TLN2: variants seen among roughly 807,000 people sequenced by gnomAD.
TLN2 encodes talin 2.
Under a neutral mutation model 294.7 loss-of-function variants are expected in TLN2, and 118 were observed. The ratio of observed to expected loss-of-function variants is 0.40; its 90% CI spans 0.34 to 0.47. The LOEUF (loss-of-function observed/expected upper bound fraction) is 0.47. Among genes scored for constraint, TLN2 ranks in the 20% least tolerant of loss-of-function variants. TLN2 has a pLI of 0.84. For missense variants in TLN2, 3,083 were observed against 3,282.2 expected (o/e 0.94, Z 1.48); for synonymous variants, 1,431 against 1,304.5 (o/e 1.10, Z -2.09).
At chr15:62,593,339 C>T (rs2046231571) in intron 2 of TLN2, among the ~76,000 whole-genome samples, 1 of 152,200 alleles carries the variant, frequency 6.6e-6, no homozygotes, top group Non-Finnish European at 1.5e-5. Flanking sequence ...AATCAAGATT[C>T]CTGGACCTAG....
intron 1 of TLN2, among the ~76,000 whole-genome samples, chr15:62,535,200 A>G (rs946496218): frequency 5.3e-5 from 8 of 152,204 alleles, no homozygotes; most frequent in Admixed American, 3.3e-4. Flanking sequence ...ACTGTTCTAC[A>G]GGAAATTAGA....
In TLN2 at chr15:62,673,310, CTTT is replaced by C. The variant is rs56258541; in HGVS notation, c.789-501_789-499del. ...GTTTGCTTTAGATTTTTAGATGTTG[CTTT>C]TTTTTTTTTTTTTTTGCAATTTCAT... is the stretch of plus-strand genomic sequence containing the variant. On this transcript the variant is annotated intron_variant, in intron 9 of 58. Transcript: ENST00000636159. 7.0e-4 allele frequency among the ~76,000 whole-genome samples: 30 copies of C among 42,898 alleles called. 1 individual carries two copies. In the Admixed American group the frequency reaches 9.2e-3, roughly 13 times the overall value. 28.1% of individuals were successfully genotyped at this position (42,898 alleles called of 152,430 possible).
chr15:62,520,297 C>T (rs1392343477), intron 1 of TLN2, among the ~76,000 whole-genome samples: 1 of 152,186 alleles, frequency 6.6e-6, no homozygotes, highest in African/African-American at 2.4e-5. Flanking sequence ...CATTGTTGTA[C>T]AGTTGTATGC....
chr15:62,805,847 G>T, intron 51 of TLN2, 62 bp downstream of exon 51: 2 of 1,543,858 alleles, frequency 1.3e-6, no homozygotes, highest in Non-Finnish European at 1.8e-6. Context: ...GGGTTGCTTG[G>T]TGTAGTCTGA....
intron 1 of TLN2, among the ~76,000 whole-genome samples, chr15:62,489,619 C>A (rs2038597749): frequency 6.6e-6 from 1 of 152,176 alleles, no homozygotes. Flanking sequence ...CTTTAAGGGA[C>A]AGAGCCTGAT....
intron 1 of TLN2, among the ~76,000 whole-genome samples, chr15:62,486,462 T>TTG (rs1555415748): frequency 8.6e-5 from 11 of 127,756 alleles, no homozygotes; most frequent in African/African-American, 2.6e-4. Flanking sequence ...GTTTTTTTTT[T>TTG]TTTTTTTTTT....
chr15:62,656,171 G>A (rs573061201), intron 8 of TLN2, 85 bp downstream of exon 8: 68 of 1,521,918 alleles, frequency 4.5e-5, no homozygotes, highest in African/African-American at 1.5e-4. Context: ...GGAGGGCGGC[G>A]CTGGCTTCTG....
chr15:62,562,114 A>G (rs1596137368), intron 1 of TLN2, among the ~76,000 whole-genome samples: 1 of 152,150 alleles, frequency 6.6e-6, no homozygotes, highest in East Asian at 1.9e-4. Context: ...TCGTTTGGAG[A>G]TATTGTCTCT....
At chr15:62,629,612 A>G (rs2049597937) in intron 3 of TLN2, among the ~76,000 whole-genome samples, 1 of 152,214 alleles carries the variant, frequency 6.6e-6, no homozygotes, top group African/African-American at 2.4e-5. Context: ...AGGGCCGTAT[A>G]AGGCTAAGCC....
intron 1 of TLN2, among the ~76,000 whole-genome samples, chr15:62,490,665 A>G (rs924328087): frequency 2.6e-5 from 4 of 152,154 alleles, no homozygotes; most frequent in African/African-American, 7.2e-5. Context: ...AGACACAGCT[A>G]TATGTCACTT....
intron 1 of TLN2, among the ~76,000 whole-genome samples, chr15:62,456,404 C>G (rs2036485401): frequency 6.6e-6 from 1 of 152,186 alleles, no homozygotes; most frequent in African/African-American, 2.4e-5. Flanking sequence ...GAGTCCTCCC[C>G]ACCGTTTAAA....
intron 3 of TLN2, among the ~76,000 whole-genome samples, chr15:62,619,672 G>C (rs1294053986): frequency 6.6e-6 from 1 of 152,146 alleles, no homozygotes. Flanking sequence ...TGTAGGAAGA[G>C]GAGAGGCCAC....
intron 1 of TLN2, among the ~76,000 whole-genome samples, chr15:62,433,442 C>T (rs542748236): frequency 9.2e-5 from 14 of 152,226 alleles, no homozygotes; most frequent in African/African-American, 3.4e-4. Flanking sequence ...ACCTGACTGT[C>T]ACCGAGGCAG....
chr15:62,751,970 G>A (rs1355231441), intron 34 of TLN2, among the ~76,000 whole-genome samples: 2 of 152,128 alleles, frequency 1.3e-5, no homozygotes, highest in African/African-American at 4.8e-5. Context: ...CCTACAGCTC[G>A]ATGCATATGA....
At chr15:62,577,370 G>A (rs2044513645) in intron 1 of TLN2, among the ~76,000 whole-genome samples, 1 of 152,134 alleles carries the variant, frequency 6.6e-6, no homozygotes, top group Non-Finnish European at 1.5e-5. Flanking sequence ...CTTGAACCTG[G>A]GAGGCGGAGG....
chr15:62,735,009 G>A (rs373232419), intron 28 of TLN2, among the ~76,000 whole-genome samples: 2 of 152,312 alleles, frequency 1.3e-5, no homozygotes, highest in South Asian at 2.1e-4. Context: ...CAGTGCGAGA[G>A]AGACACTGAT....
chr15:62,728,599 G>C (rs2060560860), intron 28 of TLN2, among the ~76,000 whole-genome samples: 1 of 152,056 alleles, frequency 6.6e-6, no homozygotes, highest in African/African-American at 2.4e-5. Context: ...TAGCCCTTTT[G>C]GTTTGTGTGT....
At chr15:62,430,023 A>G (rs1181587182) in intron 1 of TLN2, among the ~76,000 whole-genome samples, 1 of 152,222 alleles carries the variant, frequency 6.6e-6, no homozygotes, top group Non-Finnish European at 1.5e-5. Flanking sequence ...GATGATTCCA[A>G]TTTAGTGATA....
At chr15:62,723,012 G>A (rs1305022869) in intron 26 of TLN2, among the ~76,000 whole-genome samples, 1 of 152,156 alleles carries the variant, frequency 6.6e-6, no homozygotes, top group Non-Finnish European at 1.5e-5. Context: ...CAGAGTTGAG[G>A]ACTAAATTTC....
Sources: gnomAD v4.1 joint callset for allele counts (sites outside exome capture counted in the v4.1 genomes callset) on GRCh38, gnomAD v4.1.1 for gene constraint, MANE v1.5 for transcripts, NCBI Gene and HGNC (gene_info 2026-07-23, HGNC 2026-07-21) for gene names.